The following NEBL variants were observed in gnomAD, a reference collection of about 807,000 sequenced individuals.
The protein encoded by NEBL is nebulette.
In NEBL, 122 loss-of-function variants were observed where a neutral mutation model predicts 140.2. The ratio of observed to expected loss-of-function variants is 0.87; its 90% CI spans 0.75 to 1.01. The LOEUF (loss-of-function observed/expected upper bound fraction) is 1.01. Among genes scored for constraint, NEBL ranks in the 50% least tolerant of loss-of-function variants. The pLI is 0.00. For missense variants in NEBL, 1,365 were observed against 1,231.3 expected (o/e 1.11, Z -1.62); for synonymous variants, 436 against 398.9 (o/e 1.09, Z -1.11).
intron 1 of NEBL, among the ~76,000 whole-genome samples, chr10:21,262,185 G>C (rs1440560421): frequency 6.6e-6 from 1 of 152,208 alleles, no homozygotes; most frequent in African/African-American, 2.4e-5. Context: ...ACAAGTGGCT[G>C]TCACTATGGA....
chr10:21,222,096 G>T (rs1371055733), intron 3 of NEBL, among the ~76,000 whole-genome samples: 1 of 151,852 alleles, frequency 6.6e-6, no homozygotes, highest in Non-Finnish European at 1.5e-5. Flanking sequence ...ATCTCATTTT[G>T]AAGTTTATAT....
intron 3 of NEBL, among the ~76,000 whole-genome samples, chr10:21,015,290 G>T (rs1838510076): frequency 1.3e-5 from 2 of 152,156 alleles, no homozygotes; most frequent in South Asian, 4.1e-4. Flanking sequence ...TTCAATCACG[G>T]TAGCTCCATG....
upstream of NEBL, among the ~76,000 whole-genome samples, chr10:21,175,425 G>A (rs1841276668): frequency 2.0e-5 from 3 of 152,312 alleles, no homozygotes; most frequent in South Asian, 2.1e-4. Flanking sequence ...AACACATTCC[G>A]TTGCTAGCGC....
chr10:20,937,803 G>C (rs1394328278), intron 4 of NEBL, among the ~76,000 whole-genome samples: 1 of 152,198 alleles, frequency 6.6e-6, no homozygotes, highest in East Asian at 1.9e-4. Flanking sequence ...TCCTGTGCCT[G>C]GCTCAGAGGG....
chr10:20,995,944 T>C (rs1837649494), intron 3 of NEBL, among the ~76,000 whole-genome samples: 1 of 152,114 alleles, frequency 6.6e-6, no homozygotes, highest in Non-Finnish European at 1.5e-5. Context: ...AAAAAAAATC[T>C]GCACCTCCAT....
In NEBL at chr10:20,809,869, A is replaced by T. The variant is rs1443638480; in HGVS notation, c.2548T>A (p.Ser850Thr). The T allele has an allele frequency of 6.2e-7, 1 of 1,611,888 alleles. No individual in the cohort carries two copies. Among genetic ancestry groups the T allele is most frequent in the Non-Finnish European group, 8.5e-7 (1 of 1,179,052 alleles). The change falls in exon 25 of 28, where the codon TCC becomes ACC. Residue 850 changes from serine to threonine, a missense_variant. Coordinates refer to ENST00000377122, the MANE Select transcript of NEBL (RefSeq NM_006393.3). ...TCCAGGGGATCAAGGTCGAAGATGG[A>T]GCCAGGATCTGTGCGCCAAACTTTG... The part of the protein sequence containing the change: ...DLKVWRTDPG[S>T]IFDLDPLEDN...
chr10:20,928,534 C>T (rs1297629434), intron 4 of NEBL, among the ~76,000 whole-genome samples: 2 of 152,162 alleles, frequency 1.3e-5, no homozygotes, highest in Non-Finnish European at 2.9e-5. Context: ...GAAGAAATAG[C>T]AGGCAGAGCC....
At chr10:20,978,660 G>A (rs533873768) in intron 3 of NEBL, among the ~76,000 whole-genome samples, 1 of 151,916 alleles carries the variant, frequency 6.6e-6, no homozygotes, top group African/African-American at 2.4e-5. Context: ...TCAGGAGGCT[G>A]AGGTGGATTG....
At chr10:20,886,248 C>A (rs537761955) in intron 4 of NEBL, among the ~76,000 whole-genome samples, 5 of 151,910 alleles carry the variant, frequency 3.3e-5, no homozygotes, top group African/African-American at 1.2e-4. Flanking sequence ...AAAGGTAGGG[C>A]GCAATGGCTC....
chr10:20,891,269 T>A (rs1326174108), intron 2 of NEBL, among the ~76,000 whole-genome samples: 2 of 152,234 alleles, frequency 1.3e-5, no homozygotes, highest in African/African-American at 4.8e-5. Context: ...CGAGAACATA[T>A]TTATCTTATC....
At chr10:21,018,315 G>C (rs928517827) in intron 3 of NEBL, among the ~76,000 whole-genome samples, 20 of 152,180 alleles carry the variant, frequency 1.3e-4, no homozygotes, top group African/African-American at 4.8e-4. Context: ...TCTATGTCCA[G>C]TGTGTACTTG....
intron 3 of NEBL, among the ~76,000 whole-genome samples, chr10:21,011,844 G>A (rs556535151): frequency 6.6e-6 from 1 of 152,292 alleles, no homozygotes; most frequent in Admixed American, 6.5e-5. Flanking sequence ...CACTGTTCCT[G>A]CAATGGCAAT....
In NEBL at chr10:21,106,619, C is replaced by T. The variant is rs190351847; in HGVS notation, c.164+65764G>A. Among the ~76,000 whole-genome samples the T allele has an allele frequency of 4.6e-5, 7 of 152,158 alleles. No homozygotes were observed. The East Asian group carries it at 7.7e-4, about 17-fold the overall frequency. On this transcript the variant is annotated intron_variant, in intron 2 of 6. Transcript: ENST00000417816. ...TAGTATAGTTTGAAGTCAGGTAGCA[C>T]GATGCCTCCCACTTTGTTCTTTTTG...
At chr10:20,962,061 G>A (rs953456793) in intron 3 of NEBL, among the ~76,000 whole-genome samples, 2 of 152,192 alleles carry the variant, frequency 1.3e-5, no homozygotes, top group African/African-American at 4.8e-5. Context: ...TATTTAAGAG[G>A]TTGTAGGGAT....
upstream of NEBL, among the ~76,000 whole-genome samples, chr10:21,177,660 G>A (rs896926360): frequency 6.6e-5 from 10 of 152,050 alleles, no homozygotes; most frequent in Admixed American, 3.3e-4. Flanking sequence ...CTCCCGAGTA[G>A]CTGGGACTAC....
intron 4 of NEBL, among the ~76,000 whole-genome samples, chr10:20,885,213 A>G (rs576566149): frequency 2.0e-5 from 3 of 152,324 alleles, no homozygotes; most frequent in African/African-American, 7.2e-5. Context: ...TAGTCCTTTA[A>G]TTATCATAGA....
At chr10:21,203,681 A>G (rs2132229255) in intron 3 of NEBL, among the ~76,000 whole-genome samples, 1 of 152,334 alleles carries the variant, frequency 6.6e-6, no homozygotes, top group East Asian at 1.9e-4. Context: ...GTAATGGGAA[A>G]ATGGAGTAAC....
intron 3 of NEBL, among the ~76,000 whole-genome samples, chr10:21,187,057 A>G (rs1346172076): frequency 6.9e-6 from 1 of 145,518 alleles, no homozygotes; most frequent in Non-Finnish European, 1.5e-5. Context: ...ATAAGTTTTT[A>G]TTCTACCTTT....
intron 1 of NEBL, 26 bp downstream of exon 1, chr10:20,897,099 G>C (rs371227309): frequency 6.9e-6 from 11 of 1,585,528 alleles, no homozygotes; most frequent in Middle Eastern, 1.7e-4. Flanking sequence ...ACAAACGCTG[G>C]TCTGAGTATG....
Sources: gnomAD v4.1 joint callset for allele counts (sites outside exome capture counted in the v4.1 genomes callset) on GRCh38, gnomAD v4.1.1 for gene constraint, MANE v1.5 for transcripts, NCBI Gene and HGNC (gene_info 2026-07-23, HGNC 2026-07-21) for gene names.